Variants in PDSS2 observed in about 807,000 individuals in gnomAD.
PDSS2 encodes all trans-polyprenyl-diphosphate synthase PDSS2.
In PDSS2, 31 loss-of-function variants were observed where a neutral mutation model predicts 44.5. The ratio of observed to expected loss-of-function variants is 0.70; its 90% CI spans 0.52 to 0.94. The LOEUF (loss-of-function observed/expected upper bound fraction) is 0.94. PDSS2 is among the 40% of genes least tolerant of loss of function. The pLI, the probability that PDSS2 is intolerant of heterozygous loss-of-function variation, is 0.00. For missense variants in PDSS2, 452 were observed against 482.2 expected (o/e 0.94, Z 0.59); for synonymous variants, 157 against 180.3 (o/e 0.87, Z 1.03).
chr6:107,334,432 A>G, intron 1 of PDSS2, 100 bp from the exon 2 acceptor site: 1 of 1,062,822 alleles, frequency 9.4e-7, no homozygotes. Context: ...CTAAAACTGG[A>G]CAATGAGACT....
intron 2 of PDSS2, among the ~76,000 whole-genome samples, chr6:107,307,164 G>A (rs565534425): frequency 5.9e-5 from 9 of 152,176 alleles, no homozygotes; most frequent in Non-Finnish European, 1.2e-4. Flanking sequence ...ACTTTAGAAG[G>A]ATGTCCAAAT....
At chr6:107,185,591 C>T (rs540715664) in intron 7 of PDSS2, among the ~76,000 whole-genome samples, 2 of 152,202 alleles carry the variant, frequency 1.3e-5, no homozygotes, top group African/African-American at 4.8e-5. Context: ...TACAGGCATA[C>T]GCTCAGCTCC....
At chr6:107,387,028 C>A (rs921671807) in intron 1 of PDSS2, among the ~76,000 whole-genome samples, 1 of 152,236 alleles carries the variant, frequency 6.6e-6, no homozygotes, top group Non-Finnish European at 1.5e-5. Context: ...ACTTAATCCA[C>A]AAGCTGCTTC....
intron 1 of PDSS2, among the ~76,000 whole-genome samples, chr6:107,368,022 G>A (rs548779106): frequency 6.6e-6 from 1 of 152,070 alleles, no homozygotes; most frequent in Non-Finnish European, 1.5e-5. Flanking sequence ...CGTAATCCCA[G>A]CACTTTGGGA....
chr6:107,428,676 A>AT (rs1016531079), intron 1 of PDSS2, among the ~76,000 whole-genome samples: 4 of 151,916 alleles, frequency 2.6e-5, no homozygotes, highest in Admixed American at 1.3e-4. Context: ...ACAAAAAGAA[A>AT]TTTTTTTTTA....
At chr6:107,167,528 T>C (rs1192661855) in intron 7 of PDSS2, among the ~76,000 whole-genome samples, 3 of 152,212 alleles carry the variant, frequency 2.0e-5, no homozygotes, top group Admixed American at 2.0e-4. Flanking sequence ...AGCTTTTGAA[T>C]GTGTTTGCTC....
In PDSS2 at chr6:107,208,498, T is replaced by C. The variant is rs149704192; in HGVS notation, c.1008+1941A>G. Among the ~76,000 whole-genome samples, 1,306 of 151,752 alleles carry C rather than the reference T, an allele frequency of 8.6e-3. 67 individuals are homozygous for C. In the East Asian group the frequency reaches 0.16, roughly 18 times the overall value. On this transcript the variant is annotated intron_variant, in intron 6 of 7. Transcript: ENST00000369037. The stretch of plus-strand genomic sequence containing the variant: ...TTTCAGTAGAGACAGGGTTTTACCA[T>C]GTTGGCCAGGCTGGTCTTGAGTTCC...
At chr6:107,279,578 G>T (rs1174837631) in intron 2 of PDSS2, among the ~76,000 whole-genome samples, 1 of 152,086 alleles carries the variant, frequency 6.6e-6, no homozygotes, top group African/African-American at 2.4e-5. Flanking sequence ...TGGTCTTCTT[G>T]TCCCTGAAAG....
chr6:107,176,429 TACACACACACACACAC>T lies in PDSS2; in HGVS notation c.1041+17377_1041+17392del, dbSNP rs71012784. Reference sequence around the variant, plus strand: ...TTCCCCCTTAACACACACACACACATACACACACACACACACACACACACACACAAATATAAAAGCA... The same window carrying T: ...TTCCCCCTTAACACACACACACACATACACACACACACAAATATAAAAGCA... On this transcript the variant is annotated intron_variant, in intron 7 of 7. Coordinates refer to ENST00000369037, the MANE Select transcript of PDSS2 (RefSeq NM_020381.4). Among the ~76,000 whole-genome samples, 104 of 149,802 alleles carry T rather than the reference TACACACACACACACAC, an allele frequency of 6.9e-4. 1 individual carries two copies. In the East Asian group the frequency reaches 0.017, roughly 25 times the overall value.
At chr6:107,327,870 T>C (rs1453537197) in intron 2 of PDSS2, among the ~76,000 whole-genome samples, 2 of 152,252 alleles carry the variant, frequency 1.3e-5, no homozygotes, top group Non-Finnish European at 2.9e-5. Context: ...GCTCACATCC[T>C]GAACTACAGG....
At chr6:107,306,215 C>T (rs983795079) in intron 2 of PDSS2, among the ~76,000 whole-genome samples, 1 of 152,152 alleles carries the variant, frequency 6.6e-6, no homozygotes, top group Non-Finnish European at 1.5e-5. Context: ...CACCCAAATT[C>T]ATCTTGAATT....
chr6:107,296,333 TATG>T (rs1311967416), intron 2 of PDSS2, among the ~76,000 whole-genome samples: 1 of 152,216 alleles, frequency 6.6e-6, no homozygotes, highest in East Asian at 1.9e-4. Context: ...AAGGCATTTA[TATG>T]ATGCCTTTGA....
chr6:107,357,273 G>C (rs1458081855), intron 1 of PDSS2, among the ~76,000 whole-genome samples: 1 of 152,076 alleles, frequency 6.6e-6, no homozygotes, highest in Non-Finnish European at 1.5e-5. Flanking sequence ...ACTATTATGA[G>C]CTGCTGGTAT....
intron 7 of PDSS2, 104 bp downstream of exon 7, chr6:107,193,718 A>G (rs1019709559): frequency 1.3e-6 from 1 of 784,926 alleles, no homozygotes. Context: ...AATGTCCTTC[A>G]GCTCTCAATG....
intron 2 of PDSS2, among the ~76,000 whole-genome samples, chr6:107,331,975 A>G (rs549483939): frequency 1.3e-5 from 2 of 152,302 alleles, no homozygotes; most frequent in Non-Finnish European, 2.9e-5. Flanking sequence ...ATGGGATACA[A>G]GGCAATGTGA....
At chr6:107,413,593 T>G (rs1233811015) in intron 1 of PDSS2, among the ~76,000 whole-genome samples, 1 of 152,112 alleles carries the variant, frequency 6.6e-6, no homozygotes, top group Non-Finnish European at 1.5e-5. Context: ...GCCTCCCAAG[T>G]AGCTGGGATT....
At chr6:107,286,166 CAAAGGAT>C (rs1467568947) in intron 2 of PDSS2, among the ~76,000 whole-genome samples, 1 of 128,094 alleles carries the variant, frequency 7.8e-6, no homozygotes, top group African/African-American at 3.0e-5. Flanking sequence ...GAAAAGAAAA[CAAAGGAT>C]AAATTTGAGG....
At chr6:107,200,928 G>A (rs1174694226) in intron 6 of PDSS2, among the ~76,000 whole-genome samples, 1 of 152,078 alleles carries the variant, frequency 6.6e-6, no homozygotes, top group Non-Finnish European at 1.5e-5. Flanking sequence ...GCCTCCCAAA[G>A]CGTTGGGATT....
At chr6:107,193,045 T>C (rs1772434831) in intron 7 of PDSS2, among the ~76,000 whole-genome samples, 3 of 152,222 alleles carry the variant, frequency 2.0e-5, no homozygotes. Flanking sequence ...ACATGTTCTT[T>C]TAGCCAAGCA....
Sources: allele counts gnomAD v4.1 joint callset (sites outside exome capture counted in the v4.1 genomes callset), GRCh38; gene constraint gnomAD v4.1.1; transcripts MANE v1.5; gene names NCBI Gene and HGNC (gene_info 2026-07-23, HGNC 2026-07-21).